CSGALNACT1: variants seen among roughly 807,000 people sequenced by gnomAD.
The protein encoded by CSGALNACT1 is chondroitin sulfate N-acetylgalactosaminyltransferase 1, also known as beta4GalNAcT-1.
CSGALNACT1 carries 52 observed loss-of-function variants against 51.0 expected under a neutral mutation model. The ratio of observed to expected loss-of-function variants is 1.02; its 90% confidence interval spans 0.82 to 1.29. The LOEUF (loss-of-function observed/expected upper bound fraction) is 1.29, where lower values mean the gene tolerates loss of function less well. Ranked by LOEUF, CSGALNACT1 falls within the 50% of genes most tolerant of loss-of-function variation. The pLI is 0.00. For missense variants in CSGALNACT1, 935 were observed against 679.2 expected (o/e 1.38, Z -4.19); for synonymous variants, 341 against 254.4 (o/e 1.34, Z -3.24).
At chr8:19,615,257 T>A (rs948663056) in intron 1 of CSGALNACT1, among the ~76,000 whole-genome samples, 7 of 152,128 alleles carry the variant, frequency 4.6e-5, no homozygotes, top group African/African-American at 1.7e-4. Context: ...GAGCCCGGAT[T>A]GTGCCACTGT....
chr8:19,472,154 A>C (rs995720836), intron 4 of CSGALNACT1, among the ~76,000 whole-genome samples: 5 of 152,210 alleles, frequency 3.3e-5, no homozygotes, highest in African/African-American at 2.4e-5. Flanking sequence ...GGAGTTCTAC[A>C]AAGATTCCAG....
chr8:19,488,269 G>C (rs1304665206), intron 4 of CSGALNACT1, among the ~76,000 whole-genome samples: 2 of 151,476 alleles, frequency 1.3e-5, no homozygotes, highest in Non-Finnish European at 2.9e-5. Context: ...AGAATCGCTT[G>C]AATCTGGCAG....
chr8:19,505,945 G>A (rs763937054), exon 4 of CSGALNACT1: 7 of 1,278,722 alleles, frequency 5.5e-6, no homozygotes, highest in Middle Eastern at 2.1e-4. Flanking sequence ...GGCCCCCGGA[G>A]CTGCTTGCAT....
chr8:19,481,957 G>A (rs1339456169), intron 4 of CSGALNACT1, among the ~76,000 whole-genome samples: 8 of 152,190 alleles, frequency 5.3e-5, no homozygotes, highest in Non-Finnish European at 1.0e-4. Flanking sequence ...GGAGTGCAGG[G>A]GGCTTTTTTT....
At chr8:19,643,120 A>T (rs550197902) in intron 1 of CSGALNACT1, among the ~76,000 whole-genome samples, 9 of 152,210 alleles carry the variant, frequency 5.9e-5, no homozygotes, top group African/African-American at 1.9e-4. Context: ...TTACCTTTAT[A>T]TAGTAAGTTA....
chr8:19,488,695 C>T (rs2073668819), intron 4 of CSGALNACT1, among the ~76,000 whole-genome samples: 1 of 151,940 alleles, frequency 6.6e-6, no homozygotes, highest in Non-Finnish European at 1.5e-5. Flanking sequence ...TTTTATTGGG[C>T]CAGGCACTGC....
intron 1 of CSGALNACT1, among the ~76,000 whole-genome samples, chr8:19,706,224 A>G (rs1357919831): frequency 6.6e-6 from 1 of 152,152 alleles, no homozygotes; most frequent in African/African-American, 2.4e-5. Flanking sequence ...ATTCATTTAG[A>G]TTAGGGAGAA....
At chr8:19,616,526 T>C (rs980741604) in intron 1 of CSGALNACT1, among the ~76,000 whole-genome samples, 5 of 152,184 alleles carry the variant, frequency 3.3e-5, no homozygotes, top group Non-Finnish European at 7.3e-5. Context: ...CCCCCAAATC[T>C]CATGTTGAAA....
intron 3 of CSGALNACT1, among the ~76,000 whole-genome samples, chr8:19,510,044 C>T (rs553625878): frequency 6.6e-6 from 1 of 152,130 alleles, no homozygotes; most frequent in African/African-American, 2.4e-5. Context: ...TACATAATTC[C>T]CGTTTTTTGT....
intron 1 of CSGALNACT1, among the ~76,000 whole-genome samples, chr8:19,636,443 C>A (rs557759834): frequency 6.6e-6 from 1 of 152,196 alleles, no homozygotes; most frequent in South Asian, 2.1e-4. Context: ...TAAGCGATAC[C>A]AAAATCCAAG....
At chr8:19,511,782 C>G (rs2078512512) in intron 3 of CSGALNACT1, among the ~76,000 whole-genome samples, 2 of 152,198 alleles carry the variant, frequency 1.3e-5, no homozygotes, top group Admixed American at 1.3e-4. Flanking sequence ...GTTTAATTGA[C>G]TCACAGTTCC....
intron 3 of CSGALNACT1, among the ~76,000 whole-genome samples, chr8:19,523,552 G>T (rs930872706): frequency 1.3e-5 from 2 of 152,124 alleles, no homozygotes; most frequent in African/African-American, 4.8e-5. Flanking sequence ...TTACAGGCAG[G>T]AGCCACCACG....
chr8:19,523,137 G>A (rs75718566), intron 3 of CSGALNACT1, among the ~76,000 whole-genome samples: 1 of 152,202 alleles, frequency 6.6e-6, no homozygotes, highest in African/African-American at 2.4e-5. Flanking sequence ...TCACGTAACA[G>A]TGACCTACAC....
exon 10 of CSGALNACT1, chr8:19,404,627 T>C (rs1185240166): frequency 2.3e-6 from 1 of 437,578 alleles, no homozygotes; most frequent in Non-Finnish European, 4.5e-6. Context: ...TATATATTTT[T>C]TTCTCCATTT....
Position 19,515,562 on chromosome 8 carries a change from ATAAC to A in CSGALNACT1, c.-296-9436_-296-9433del, listed in dbSNP as rs539443237. 5.1e-3 allele frequency among the ~76,000 whole-genome samples: 782 copies of A among 152,372 alleles called. 8 individuals are homozygous for A. The highest frequency in any genetic ancestry group is 0.018 in the African/African-American group (729 of 41,580). On this transcript the variant is annotated intron_variant, in intron 3 of 9. Coordinates refer to ENST00000454498, the Ensembl canonical transcript of CSGALNACT1. ...ACATAAGTGTAAATCAAAAAAATAA[ATAAC>A]TAAGTAAAAGAATTCTGATTCAATT... is the stretch of plus-strand genomic sequence containing the variant.
rs34492215 is a variant in CSGALNACT1 at position 19,420,363 on chromosome 8, G to A, written c.1109C>T (p.Thr370Met). 2.8e-4 allele frequency: 459 copies of A among 1,614,134 alleles called. 1 individual carries two copies. The highest frequency in any genetic ancestry group is 3.6e-4 in the Non-Finnish European group (420 of 1,180,012). The change falls in exon 7 of 10, where the codon ACG (threonine) becomes ATG (methionine). Residue 370 changes from threonine to methionine, a missense_variant. Coordinates refer to ENST00000454498, the Ensembl canonical transcript of CSGALNACT1. ...ACCTGGCTGTGTATTCAGCCTACAC[G>A]TATTGAGGAATTCAGATGTGAAGTA...
chr8:19,580,570 T>C (rs1033629052), intron 3 of CSGALNACT1, among the ~76,000 whole-genome samples: 2 of 152,210 alleles, frequency 1.3e-5, no homozygotes, highest in Admixed American at 1.3e-4. Flanking sequence ...AAGAAATAGA[T>C]CTTCCTTGGA....
intron 6 of CSGALNACT1, among the ~76,000 whole-genome samples, chr8:19,438,794 T>G (rs1319640102): frequency 6.6e-6 from 1 of 152,204 alleles, no homozygotes; most frequent in Admixed American, 6.5e-5. Flanking sequence ...ATCTCCTGCT[T>G]AAGAATGCTT....
chr8:19,426,618 A>G (rs1051210008), intron 6 of CSGALNACT1, among the ~76,000 whole-genome samples: 1 of 152,138 alleles, frequency 6.6e-6, no homozygotes, highest in Admixed American at 6.5e-5. Flanking sequence ...TCTTTTCTTG[A>G]ATTGTATTAT....
Sources: gnomAD v4.1 joint callset for allele counts (sites outside exome capture counted in the v4.1 genomes callset) on GRCh38, gnomAD v4.1.1 for gene constraint, MANE v1.5 for transcripts, NCBI Gene and HGNC (gene_info 2026-07-23, HGNC 2026-07-21) for gene names.